Variants in TMEM198 observed in about 807,000 individuals in gnomAD.
TMEM198 encodes transmembrane protein 198.
Under a neutral mutation model 31.5 loss-of-function variants are expected in TMEM198, and 21 were observed. The ratio of observed to expected loss-of-function variants is 0.67; its 90% CI spans 0.47 to 0.96. The LOEUF (loss-of-function observed/expected upper bound fraction) is 0.96, where lower values mean the gene tolerates loss of function less well. TMEM198 is among the 40% of genes least tolerant of loss of function. The probability of loss-of-function intolerance (pLI) is 0.00; values close to 1 mark genes in which losing one functional copy is unlikely to be tolerated. For synonymous variants in TMEM198, 211 were observed against 223.3 expected (o/e 0.95, Z 0.49); for missense variants, 447 against 499.4 (o/e 0.89, Z 1.00).
At chr2:219,548,412 T>A (rs7597875) in intron 3 of TMEM198, among the ~76,000 whole-genome samples, 2 of 152,006 alleles carry the variant, frequency 1.3e-5, no homozygotes, top group Non-Finnish European at 2.9e-5. Flanking sequence ...TAGAGTGATA[T>A]GACAGAGACA....
chr2:219,546,360 T>C (rs1255967298), intron 2 of TMEM198, among the ~76,000 whole-genome samples: 3 of 152,214 alleles, frequency 2.0e-5, no homozygotes, highest in Non-Finnish European at 1.5e-5. Flanking sequence ...TGTTTCCTTC[T>C]CTTTGATTCT....
At position 219,550,459 on chromosome 2, in the gene TMEM198, TG is replaced by T; in HGVS notation, c.*609del. 4.2e-6 allele frequency: 1 copy of T among 238,166 alleles called. No homozygotes were observed. The highest frequency in any genetic ancestry group is 8.2e-6 in the Non-Finnish European group (1 of 121,258). The allele number at this position is 238,166 out of a possible 1,614,324, so 14.8% of individuals were successfully genotyped here. A position where few individuals can be genotyped will look rare whatever the true frequency, so the allele number is the denominator to read the frequency against. ...CTCTGGGCTGGGTTGGGAAGGGAGT[TG>T]GGGAGGGGTTTAAATGCACGGTGCA... is the stretch of plus-strand genomic sequence containing the variant. On this transcript the variant is annotated 3_prime_UTR_variant, in exon 5 of 5. Coordinates refer to ENST00000373883, the MANE Select transcript of TMEM198 (RefSeq NM_001005209.3).
intron 2 of TMEM198, among the ~76,000 whole-genome samples, chr2:219,546,871 T>A (rs576682549): frequency 2.7e-5 from 4 of 149,692 alleles, no homozygotes; most frequent in Non-Finnish European, 5.9e-5. Flanking sequence ...CTCTGCCTCC[T>A]GGGTTCAAGC....
intron 3 of TMEM198, 88 bp downstream of exon 3, chr2:219,548,169 C>T (rs975588280): frequency 8.0e-5 from 98 of 1,224,004 alleles, no homozygotes; most frequent in Non-Finnish European, 1.0e-4. Flanking sequence ...TGGGGGACAG[C>T]AGCAGAAGGC....
At position 219,549,793 on chromosome 2, in the gene TMEM198, AC is replaced by A; in HGVS notation, c.1023del (p.Tyr342MetfsTer9). On this transcript the variant is annotated frameshift_variant, in exon 5 of 5. Transcript: ENST00000373883. LOFTEE classifies it high-confidence loss of function. The stretch of plus-strand genomic sequence containing the variant: ...TTCATGGCCTCACCCACAGATGCGG[AC>A]TATGAGTATGGGTCCCGGGGACCTC... ...SSFMASPTDA[D>X]YEYGSRGPLT... 1 of 1,614,090 alleles carries A rather than the reference AC, an allele frequency of 6.2e-7. No homozygotes were observed. Among genetic ancestry groups the A allele is most frequent in the Non-Finnish European group, 8.5e-7 (1 of 1,180,000 alleles).
At chr2:219,548,561 G>A (rs1226058801) in intron 3 of TMEM198, among the ~76,000 whole-genome samples, 1 of 152,228 alleles carries the variant, frequency 6.6e-6, no homozygotes, top group African/African-American at 2.4e-5. Context: ...TAGAGAAGAG[G>A]GAACAGCAAG....
rs1174085669 is a variant in TMEM198, at chr2:219,544,823, CAGGTACCAGG to C, written c.97_106del (p.Arg33HisfsTer51). On this transcript the variant is annotated frameshift_variant, in exon 2 of 5. Transcript: ENST00000373883. LOFTEE classifies it high-confidence loss of function. ...CACCTTGTGAACAGCCCCTGGAGCG[CAGGTACCAGG>C]CACTGCCGGCCCTCGTCTGCATCAT... 6.2e-7 allele frequency: 1 copy of C among 1,614,128 alleles called. No individual in the cohort carries two copies. The highest frequency in any genetic ancestry group is 1.7e-5 in the Admixed American group (1 of 60,012).
At chr2:219,549,618 C>G in intron 4 of TMEM198, 99 bp from the exon 5 acceptor site, 7 of 1,539,530 alleles carry the variant, frequency 4.5e-6, no homozygotes, top group Non-Finnish European at 6.2e-6. Context: ...GGGTCTATGG[C>G]AGTCTATAGA....
chr2:219,548,175 A>C (rs1452467196), intron 3 of TMEM198, 94 bp downstream of exon 3: 20 of 1,200,932 alleles, frequency 1.7e-5, no homozygotes, highest in Non-Finnish European at 2.3e-5. Context: ...ACAGCAGCAG[A>C]AGGCCTCGAT....
rs759085381 is a variant in TMEM198 at position 219,549,837 on chromosome 2, C to T, written c.1066C>T (p.Pro356Ser). ...SRGPLTACSG[P>S]PVRV ...GGGACCTCTGACAGCCTGCTCAGGC[C>T]CCCCAGTGCGGGTATAGCCATATCT... Residue 356 changes from proline to serine, a missense_variant, in exon 5 of 5, where the codon CCC becomes TCC. Transcript: ENST00000373883. 2.5e-6 allele frequency: 4 copies of T among 1,614,078 alleles called. No individual in the cohort carries two copies. Among genetic ancestry groups the T allele is most frequent in the Admixed American group, 3.3e-5 (2 of 60,022 alleles).
At chr2:219,544,462 T>TC (rs1559125753) in intron 1 of TMEM198, 85 bp downstream of exon 1, 2 of 571,528 alleles carry the variant, frequency 3.5e-6, no homozygotes, top group Non-Finnish European at 6.4e-6. Context: ...GCTCCCTTCA[T>TC]CCCCCCGACT....
At chr2:219,546,103 C>T (rs998886888) in intron 2 of TMEM198, among the ~76,000 whole-genome samples, 2 of 152,156 alleles carry the variant, frequency 1.3e-5, no homozygotes, top group Non-Finnish European at 2.9e-5. Context: ...CTCATGGACT[C>T]TGAGCCCTTG....
At position 219,544,801 on chromosome 2, in the gene TMEM198, CT is replaced by C. The variant is rs1695357776; in HGVS notation, c.76del (p.Cys26ValfsTer61). On this transcript the variant is annotated frameshift_variant, in exon 2 of 5. Coordinates refer to ENST00000373883, the MANE Select transcript of TMEM198 (RefSeq NM_001005209.3). LOFTEE classifies it high-confidence loss of function. ...PEPDDAFWGA[P>X]CEQPLERRYQ... Reference sequence around the variant, plus strand: ...CCAGATGATGCCTTCTGGGGTGCACCTTGTGAACAGCCCCTGGAGCGCAGGT... The same window carrying C: ...CCAGATGATGCCTTCTGGGGTGCACCTGTGAACAGCCCCTGGAGCGCAGGT... The C allele has an allele frequency of 6.2e-7, 1 of 1,614,126 alleles. No homozygotes were observed.
upstream of TMEM198, chr2:219,543,932 G>A: frequency 2.9e-6 from 1 of 349,646 alleles, no homozygotes; most frequent in South Asian, 2.2e-5. Context: ...GGGAGACGCC[G>A]GGGGCGGAGT....
chr2:219,547,735 T>C lies in TMEM198; in HGVS notation c.396T>C (p.Ala132=). 1 of 1,590,444 alleles carries C rather than the reference T, an allele frequency of 6.3e-7. No homozygotes were observed. The highest frequency in any genetic ancestry group is 8.5e-7 in the Non-Finnish European group (1 of 1,173,688). Residue 132 remains alanine, a synonymous_variant, in exon 3 of 5, where the codon GCT becomes GCC. Transcript: ENST00000373883. The part of the protein sequence containing the change: ...GLLLGLLLAA[A]ALLGSAPYYQ... ...TGCTCGGCCTGCTGCTCGCAGCTGC[T>C]GCCCTGCTGGGCTCCGCACCCTACT...
chr2:219,548,877 G>C (rs1695455594), intron 3 of TMEM198, among the ~76,000 whole-genome samples: 1 of 152,078 alleles, frequency 6.6e-6, no homozygotes, highest in Non-Finnish European at 1.5e-5. Flanking sequence ...GATGATGATG[G>C]CTGGCCTAGG....
chr2:219,547,048 C>T (rs1332485490), intron 2 of TMEM198, among the ~76,000 whole-genome samples: 1 of 152,042 alleles, frequency 6.6e-6, no homozygotes. Context: ...ATAGTGCTGC[C>T]ACCACGCCCG....
chr2:219,550,104 G>A lies in TMEM198; in HGVS notation c.*250G>A. On this transcript the variant is annotated 3_prime_UTR_variant, in exon 5 of 5. Coordinates refer to ENST00000373883, the MANE Select transcript of TMEM198 (RefSeq NM_001005209.3). ...TTGGGGTGTGCTCAGGGTTGTGAGT[G>A]TGTTGCCCGTGTGTCTGTGTGTATG... 2.1e-6 allele frequency: 1 copy of A among 479,182 alleles called. No homozygotes were observed. The highest frequency in any genetic ancestry group is 3.6e-5 in the South Asian group (1 of 27,652). The allele number at this position is 479,182 out of a possible 1,614,324, so 29.7% of individuals were successfully genotyped here.
Position 219,549,212 on chromosome 2 carries a change from G to A in TMEM198, c.803G>A (p.Arg268His), listed in dbSNP as rs139328802. The change falls in exon 4 of 5, where the codon CGC becomes CAC. Residue 268 changes from arginine (R) to histidine (H), a missense_variant. Transcript: ENST00000373883. Reference sequence around the variant, plus strand: ...ATGCGGATTCGGCAGCAGGAAGATCGCAAGGAGAAAAGGCGGAAAAAGAGA... The same window carrying A: ...ATGCGGATTCGGCAGCAGGAAGATCACAAGGAGAAAAGGCGGAAAAAGAGA... ...QLMRIRQQED[R>H]KEKRRKKRPP... is the part of the protein sequence containing the mutation. The A allele has an allele frequency of 7.1e-5, 114 of 1,613,884 alleles. No homozygotes were observed. The Admixed American group carries it at 7.7e-4, about 11-fold the overall frequency.
Sources: allele counts gnomAD v4.1 joint callset (sites outside exome capture counted in the v4.1 genomes callset), GRCh38; gene constraint gnomAD v4.1.1; transcripts MANE v1.5; gene names NCBI Gene and HGNC (gene_info 2026-07-23, HGNC 2026-07-21).